Variants in ARHGEF4 observed in about 807,000 individuals in gnomAD.
ARHGEF4 encodes the protein APC-stimulated guanine nucleotide exchange factor 1.
ARHGEF4 carries 119 observed loss-of-function variants against 162.0 expected under a neutral mutation model. The ratio of observed to expected loss-of-function variants is 0.73; its 90% CI spans 0.63 to 0.86. ARHGEF4 has a LOEUF of 0.86. Ranked by LOEUF, ARHGEF4 falls within the 40% of genes least tolerant of loss-of-function variation. ARHGEF4 has a pLI of 0.00. For missense variants in ARHGEF4, 2,488 were observed against 2,456.0 expected, an observed-to-expected ratio of 1.01 and a Z score of -0.28; for synonymous variants, 1,014 against 979.9, an observed-to-expected ratio of 1.03 and a Z score of -0.65.
intron 5 of ARHGEF4, among the ~76,000 whole-genome samples, chr2:131,036,679 C>A (rs530344699): frequency 1.3e-5 from 2 of 152,304 alleles, no homozygotes; most frequent in South Asian, 4.1e-4. Context: ...TTTAAGGGAA[C>A]CTAGAGACAG....
rs773320484 is a variant in ARHGEF4, at chr2:130,914,685, A to G, written c.739A>G (p.Arg247Gly). The G allele has an allele frequency of 2.9e-6, 4 of 1,393,110 alleles. No homozygotes were observed. The highest frequency in any genetic ancestry group is 3.7e-6 in the Non-Finnish European group (4 of 1,080,142). 86.3% of individuals were successfully genotyped at this position (1,393,110 alleles called of 1,614,324 possible). A position where few individuals can be genotyped will look rare whatever the true frequency, so the allele number is the denominator to read the frequency against. ...LGRSWPHIHN[R>G]ARALVLPSRG... ...TCGGAGTTGGCCACATATCCACAACAGGGCCAGGGCACTGGTGCTACCTAG... is the reference window on the plus strand; with the variant it reads ...TCGGAGTTGGCCACATATCCACAACGGGGCCAGGGCACTGGTGCTACCTAG... Residue 247 changes from arginine to glycine, a missense_variant, in exon 2 of 14, where the codon AGG becomes GGG. Physicochemically the swap from Arg to Gly is moderately radical, Grantham distance 125. This residue lies in a region of ARHGEF4 where 1,642 missense variants were observed against 1,481.5 expected (regional missense o/e 1.11). Transcript: ENST00000409359.
chr2:131,019,848 A>C (rs1003223368), intron 4 of ARHGEF4, among the ~76,000 whole-genome samples: 14 of 151,968 alleles, frequency 9.2e-5, no homozygotes, highest in Non-Finnish European at 1.5e-4. Flanking sequence ...GTTAGCCAGG[A>C]TGGTCTCGAT....
Position 131,016,344 on chromosome 2 carries a change from A to G in ARHGEF4, c.3986-11601A>G, listed in dbSNP as rs140413378. 4.9e-4 allele frequency among the ~76,000 whole-genome samples: 75 copies of G among 152,224 alleles called. 1 individual carries two copies. The highest frequency in any genetic ancestry group is 1.7e-3 in the African/African-American group (69 of 41,556). ...TGCGTGTGTCTGTGGCGCATACCCA[A>G]TGGGCTCTGGATAAATACATTTGAG... On this transcript the variant is annotated intron_variant, in intron 4 of 13. Coordinates refer to ENST00000409359, the MANE Select transcript of ARHGEF4 (RefSeq NM_001367493.1).
chr2:130,915,578 G>A lies in ARHGEF4; in HGVS notation c.1632G>A (p.Leu544=), dbSNP rs984567932. 6.4e-7 allele frequency: 1 copy of A among 1,550,576 alleles called. No individual in the cohort carries two copies. Among genetic ancestry groups the A allele is most frequent in the Non-Finnish European group, 8.7e-7 (1 of 1,146,996 alleles). ...GGAGTGGAGACTTGATGGGCTGCTT[G>A]GAAGTGAGTGACAGTTCAGATGCCC... ...QVWSGDLMGC[L]EVSDSSDAPE... The change falls in exon 2 of 14, where the codon TTG becomes TTA. Residue 544 remains leucine (L), a synonymous_variant. Transcript: ENST00000409359.
intron 4 of ARHGEF4, among the ~76,000 whole-genome samples, chr2:130,958,341 T>A (rs567816386): frequency 7.2e-5 from 11 of 152,190 alleles, no homozygotes; most frequent in African/African-American, 2.6e-4. Flanking sequence ...TCACCTTTCT[T>A]ACTGAATTGT....
chr2:130,909,805 A>G (rs1436864480), intron 1 of ARHGEF4, among the ~76,000 whole-genome samples: 1 of 152,094 alleles, frequency 6.6e-6, no homozygotes, highest in African/African-American at 2.4e-5. Flanking sequence ...TTCTGATTCC[A>G]GAATCACGGC....
intron 4 of ARHGEF4, among the ~76,000 whole-genome samples, chr2:130,954,582 T>C (rs1684155974): frequency 6.6e-6 from 1 of 152,224 alleles, no homozygotes; most frequent in Admixed American, 6.5e-5. Context: ...AAAAATCCTT[T>C]TAGCACATTT....
chr2:130,850,247 C>T (rs953959291), intron 1 of ARHGEF4, among the ~76,000 whole-genome samples: 1 of 152,220 alleles, frequency 6.6e-6, no homozygotes, highest in Non-Finnish European at 1.5e-5. Flanking sequence ...GGGATCAGGC[C>T]TGTCTGTACC....
chr2:130,848,216 C>T (rs191904351), intron 1 of ARHGEF4, among the ~76,000 whole-genome samples: 18 of 152,284 alleles, frequency 1.2e-4, no homozygotes, highest in Middle Eastern at 3.4e-3. Context: ...TGGGGAGAGG[C>T]GGTCTGGGCT....
chr2:131,046,175 C>T lies in ARHGEF4; in HGVS notation c.5617C>T (p.Pro1873Ser), dbSNP rs202134743. Residue 1873 changes from proline to serine, a missense_variant, in exon 14 of 14, where the codon CCC becomes TCC. Physicochemically the swap from Pro to Ser is moderately conservative, Grantham distance 74. Transcript: ENST00000409359. ...CTGGCACAGCATCAGCCGGCTGGCA[C>T]CCTTCCGCAAGTGAACTGGTCCCTG... ...TFWHSISRLA[P>S]FRK is the part of the protein sequence containing the mutation. The T allele has an allele frequency of 1.3e-4, 213 of 1,612,112 alleles. 3 individuals carry two copies. In the East Asian group the frequency reaches 2.3e-3, roughly 17 times the overall value.
At chr2:130,977,328 C>T (rs966945596) in intron 4 of ARHGEF4, among the ~76,000 whole-genome samples, 1 of 150,386 alleles carries the variant, frequency 6.6e-6, no homozygotes, top group Non-Finnish European at 1.5e-5. Context: ...GTAGTTGGTG[C>T]GTTAAGTATG....
intron 4 of ARHGEF4, among the ~76,000 whole-genome samples, chr2:131,007,781 TA>T (rs1453065216): frequency 1.1e-4 from 17 of 149,484 alleles, no homozygotes; most frequent in Middle Eastern, 3.4e-3. Context: ...AATATAAAGC[TA>T]AATTATTCTT....
At chr2:131,042,268 C>G (rs1324668803) in intron 10 of ARHGEF4, among the ~76,000 whole-genome samples, 1 of 152,212 alleles carries the variant, frequency 6.6e-6, no homozygotes, top group Non-Finnish European at 1.5e-5. Context: ...AGGGGACAGG[C>G]CAGATCCCTG....
In ARHGEF4 at chr2:130,992,733, C is replaced by T. The variant is rs534263337; in HGVS notation, c.3986-35212C>T. ...TGCAAGCCAGGAGAGAATGCAACAA[C>T]TTTAAAGTATTAAGGATTATTTAGC... On this transcript the variant is annotated intron_variant, in intron 4 of 13. Coordinates refer to ENST00000409359, the MANE Select transcript of ARHGEF4 (RefSeq NM_001367493.1). 2.1e-4 allele frequency among the ~76,000 whole-genome samples: 32 copies of T among 152,298 alleles called. 1 individual carries two copies. Among genetic ancestry groups the T allele is most frequent in the Non-Finnish European group, 3.7e-4 (25 of 68,020 alleles).
intron 4 of ARHGEF4, among the ~76,000 whole-genome samples, chr2:130,974,152 G>A (rs1158687176): frequency 6.6e-6 from 1 of 151,072 alleles, no homozygotes; most frequent in Non-Finnish European, 1.5e-5. Context: ...CACACCTGTC[G>A]TCCCAGCCAC....
intron 1 of ARHGEF4, among the ~76,000 whole-genome samples, chr2:130,908,698 A>T (rs144274931): frequency 5.8e-4 from 85 of 147,444 alleles, no homozygotes; most frequent in East Asian, 1.9e-3. Flanking sequence ...AATAAAATTT[A>T]AAAAAAAAAG....
chr2:130,947,631 A>G (rs534975202), intron 4 of ARHGEF4, among the ~76,000 whole-genome samples: 3 of 152,154 alleles, frequency 2.0e-5, no homozygotes, highest in Non-Finnish European at 4.4e-5. Flanking sequence ...TCTCCAAACT[A>G]TAGCAAATAG....
At chr2:130,840,278 A>T (rs934442834) in intron 1 of ARHGEF4, among the ~76,000 whole-genome samples, 1 of 152,194 alleles carries the variant, frequency 6.6e-6, no homozygotes, top group South Asian at 2.1e-4. Flanking sequence ...TATGCCAAGG[A>T]TTGTGACAGC....
rs151298999 is a variant in ARHGEF4 at position 130,920,467 on chromosome 2, C to G, written c.3552+2969C>G. Among the ~76,000 whole-genome samples the G allele has an allele frequency of 6.2e-3, 944 of 152,254 alleles. 13 individuals are homozygous for G. The highest frequency in any genetic ancestry group is 0.021 in the African/African-American group (875 of 41,528). Reference sequence around the variant, plus strand: ...ATTCCTTACTGGAGAAGAGGAAGGCCTAGTACACTGCGCCATCAGACCACA... The same window carrying G: ...ATTCCTTACTGGAGAAGAGGAAGGCGTAGTACACTGCGCCATCAGACCACA... On this transcript the variant is annotated intron_variant, in intron 2 of 13. Transcript: ENST00000409359.
Sources: allele counts gnomAD v4.1 joint callset (sites outside exome capture counted in the v4.1 genomes callset), GRCh38; gene constraint gnomAD v4.1.1; regional missense constraint gnomAD v4.1.1; transcripts MANE v1.5; gene names NCBI Gene and HGNC (gene_info 2026-07-23, HGNC 2026-07-21).